CLEC5A: variants seen among roughly 807,000 people sequenced by gnomAD.
CLEC5A encodes the protein C-type lectin domain containing 5A.
Under a neutral mutation model 24.4 loss-of-function variants are expected in CLEC5A, and 15 were observed. The ratio of observed to expected loss-of-function variants is 0.62; its 90% CI spans 0.41 to 0.95. CLEC5A has a LOEUF of 0.95. Ranked by LOEUF, CLEC5A falls within the 40% of genes least tolerant of loss-of-function variation. The pLI is 0.00. For synonymous variants in CLEC5A, 71 were observed against 72.6 expected (o/e 0.98, Z 0.11); for missense variants, 211 against 224.0 (o/e 0.94, Z 0.37).
rs1802341297 is a variant in CLEC5A, at chr7:141,927,796, C to T, written c.*2308G>A. The T allele has an allele frequency of 6.6e-6, 1 of 152,216 alleles. No homozygotes were observed. The highest frequency in any genetic ancestry group is 2.4e-5 in the African/African-American group (1 of 41,444). The allele number at this position is 152,216 out of a possible 1,614,324, so 9.4% of individuals were successfully genotyped here. A position where few individuals can be genotyped will look rare whatever the true frequency, so the allele number is the denominator to read the frequency against. ...GAAGTGGCTTGCCTACATTAAGCTT[C>T]TAGCAAATTGAAAAGCTACTTCTTG... On this transcript the variant is annotated 3_prime_UTR_variant, in exon 7 of 7. Coordinates refer to ENST00000546910, the MANE Select transcript of CLEC5A (RefSeq NM_013252.3).
Position 141,935,836 on chromosome 7 carries a change from A to G in CLEC5A, c.323T>C (p.Ile108Thr). The change falls in exon 5 of 7, where the codon ATT becomes ACT. Residue 108 changes from isoleucine (I) to threonine (T), a missense_variant. Coordinates refer to ENST00000546910, the MANE Select transcript of CLEC5A (RefSeq NM_013252.3). ...FCKGKGSTLAIVNTPEKLKFL... is the reference protein window; with the variant it reads ...FCKGKGSTLATVNTPEKLKFL... Reference sequence around the variant, plus strand: ...CACCAGTTTCTCTGGCGTGTTGACAATTGCCAATGTGGATCCTTTTCCTTT... The same window carrying G: ...CACCAGTTTCTCTGGCGTGTTGACAGTTGCCAATGTGGATCCTTTTCCTTT... 1.2e-6 allele frequency: 2 copies of G among 1,613,988 alleles called. No homozygotes were observed. The highest frequency in any genetic ancestry group is 1.3e-5 in the African/African-American group (1 of 75,000).
chr7:141,931,633 A>G (rs1802465528), intron 6 of CLEC5A, 87 bp downstream of exon 6: 1 of 776,742 alleles, frequency 1.3e-6, no homozygotes, highest in African/African-American at 1.7e-5. Context: ...TCAGCGTTTG[A>G]GCTATTCCAG....
Position 141,946,337 on chromosome 7 carries a change from A to C in CLEC5A, c.-20-25T>G, listed in dbSNP as rs782241374. On this transcript the variant is annotated intron_variant, in intron 1 of 6. Transcript: ENST00000546910. ...CCTGTGAAGATTAGAGCACAGCAGC[A>C]TCAGAATTCGGGTACAAGGCTGCTT... The C allele has an allele frequency of 1.9e-6, 3 of 1,546,600 alleles. No individual in the cohort carries two copies. The Admixed American group carries it at 5.9e-5, about 30-fold the overall frequency.
chr7:141,930,426 G>A (rs955437573), intron 6 of CLEC5A, among the ~76,000 whole-genome samples: 2 of 152,036 alleles, frequency 1.3e-5, no homozygotes, highest in East Asian at 3.9e-4. Context: ...ATCCAGCTCC[G>A]CAAATGCAGC....
intron 5 of CLEC5A, among the ~76,000 whole-genome samples, chr7:141,935,245 G>A (rs887421218): frequency 2.6e-5 from 4 of 152,168 alleles, no homozygotes; most frequent in African/African-American, 9.7e-5. Context: ...TCAATTCCAC[G>A]TTCTGTTATT....
chr7:141,935,790 A>C, intron 5 of CLEC5A, 24 bp downstream of exon 5: 1 of 1,612,562 alleles, frequency 6.2e-7, no homozygotes, highest in African/African-American at 1.3e-5. Flanking sequence ...GTGTGGCTTT[A>C]CTGTACCATT....
At chr7:141,936,085 G>T in intron 4 of CLEC5A, 135 bp from the exon 5 acceptor site, 2 of 746,952 alleles carry the variant, frequency 2.7e-6, no homozygotes, top group Non-Finnish European at 4.5e-6. Context: ...CTCCATCCAG[G>T]AAGAAATTCC....
chr7:141,930,192 T>C lies in CLEC5A; in HGVS notation c.479A>G (p.Asn160Ser). 6.2e-7 allele frequency: 1 copy of C among 1,614,002 alleles called. No individual in the cohort carries two copies. The highest frequency in any genetic ancestry group is 8.5e-7 in the Non-Finnish European group (1 of 1,179,940). The change falls in exon 7 of 7, where the codon AAC (asparagine) becomes AGC (serine). Residue 160 changes from asparagine to serine, a missense_variant. Transcript: ENST00000546910. ...GNVTNQNQNF[N>S]CATIGLTKTF... ...CTTTGTTAGGCCAATGGTCGCACAG[T>C]TGAAATTCTGATTCTGATTGGTAAC...
chr7:141,933,838 A>T (rs77234190), intron 5 of CLEC5A, among the ~76,000 whole-genome samples: 4,060 of 151,958 alleles, frequency 0.027, 172 homozygotes, highest in African/African-American at 0.093. Flanking sequence ...GCATGCATTC[A>T]TGCCCAGAGG....
intron 2 of CLEC5A, 140 bp from the exon 3 acceptor site, chr7:141,945,540 A>G (rs1736643327): frequency 1.5e-6 from 1 of 684,552 alleles, no homozygotes; most frequent in African/African-American, 1.8e-5. Flanking sequence ...GTGAAGATGC[A>G]TAAATGTGGT....
chr7:141,943,878 T>G lies in CLEC5A; in HGVS notation c.208+18A>C. On this transcript the variant is annotated intron_variant, in intron 4 of 6. Coordinates refer to ENST00000546910, the MANE Select transcript of CLEC5A (RefSeq NM_013252.3). Reference sequence around the variant, plus strand: ...AGAACCTAGGGGATGGGGAGTAGGTTGTAATCATGCACTTTACCTGTTCCA... The same window carrying G: ...AGAACCTAGGGGATGGGGAGTAGGTGGTAATCATGCACTTTACCTGTTCCA... The G allele has an allele frequency of 6.5e-7, 1 of 1,536,318 alleles. No individual in the cohort carries two copies. Among genetic ancestry groups the G allele is most frequent in the Admixed American group, 1.7e-5 (1 of 59,894 alleles).
chr7:141,931,632 G>A, intron 6 of CLEC5A, 88 bp downstream of exon 6: 1 of 774,512 alleles, frequency 1.3e-6, no homozygotes, highest in Non-Finnish European at 2.4e-6. Context: ...GTCAGCGTTT[G>A]AGCTATTCCA....
chr7:141,941,935 C>G (rs782681347), intron 4 of CLEC5A, among the ~76,000 whole-genome samples: 4 of 151,600 alleles, frequency 2.6e-5, no homozygotes, highest in Non-Finnish European at 5.9e-5. Context: ...ACAAGGACAC[C>G]AAAAAATAGA....
Position 141,930,176 on chromosome 7 carries a change from G to C in CLEC5A, c.495C>G (p.Gly165=). The change falls in exon 7 of 7, where the codon GGC becomes GGG. Residue 165 remains glycine, a synonymous_variant. Coordinates refer to ENST00000546910, the MANE Select transcript of CLEC5A (RefSeq NM_013252.3). ...QNQNFNCATI[G]LTKTFDAASC... ...ATGCAGCATCAAATGTCTTTGTTAG[G>C]CCAATGGTCGCACAGTTGAAATTCT... The C allele has an allele frequency of 6.2e-7, 1 of 1,614,070 alleles. No homozygotes were observed. The highest frequency in any genetic ancestry group is 8.5e-7 in the Non-Finnish European group (1 of 1,179,968).
chr7:141,933,949 G>C (rs1156902734), intron 5 of CLEC5A, among the ~76,000 whole-genome samples: 1 of 152,132 alleles, frequency 6.6e-6, no homozygotes, highest in Non-Finnish European at 1.5e-5. Flanking sequence ...GACAGACAGA[G>C]AGTATGAGAA....
chr7:141,936,563 G>T (rs1296697978), intron 4 of CLEC5A, among the ~76,000 whole-genome samples: 2 of 152,152 alleles, frequency 1.3e-5, no homozygotes, highest in African/African-American at 4.8e-5. Context: ...CTGAGTTCTG[G>T]CAAGCCTCGC....
intron 4 of CLEC5A, among the ~76,000 whole-genome samples, chr7:141,937,644 T>A (rs925337382): frequency 6.6e-5 from 10 of 152,144 alleles, no homozygotes; most frequent in Non-Finnish European, 1.3e-4. Flanking sequence ...GGCTTCACCA[T>A]ATGCTGATTA....
chr7:141,946,108 G>T, intron 2 of CLEC5A, 106 bp downstream of exon 2: 1 of 1,267,308 alleles, frequency 7.9e-7, no homozygotes, highest in Non-Finnish European at 1.1e-6. Context: ...GTCTCAGGTG[G>T]AAAGACTTGG....
intron 4 of CLEC5A, among the ~76,000 whole-genome samples, chr7:141,942,276 C>A (rs910363992): frequency 6.6e-6 from 1 of 151,988 alleles, no homozygotes; most frequent in African/African-American, 2.4e-5. Context: ...TAATTCCCTA[C>A]GTCTATAGTG....
Sources: gnomAD v4.1 joint callset for allele counts (sites outside exome capture counted in the v4.1 genomes callset) on GRCh38, gnomAD v4.1.1 for gene constraint, MANE v1.5 for transcripts, NCBI Gene and HGNC (gene_info 2026-07-23, HGNC 2026-07-21) for gene names.